Variants in HESX1 observed in about 807,000 individuals in gnomAD.
The protein encoded by HESX1 is homeobox expressed in ES cells 1.
In HESX1, 11 loss-of-function variants were observed where a neutral mutation model predicts 22.5. That is an observed-to-expected ratio of 0.49 (90% CI 0.31 to 0.81). HESX1 has a LOEUF of 0.81. Ranked by LOEUF, HESX1 falls within the 30% of genes least tolerant of loss-of-function variation. HESX1 has a pLI of 0.05. For synonymous variants in HESX1, 74 were observed against 76.5 expected (o/e 0.97, Z 0.17); for missense variants, 201 against 212.6 (o/e 0.95, Z 0.34).
intron 1 of HESX1, among the ~76,000 whole-genome samples, chr3:57,207,003 A>C (rs2060523396): frequency 6.6e-6 from 1 of 152,062 alleles, no homozygotes; most frequent in African/African-American, 2.4e-5. Context: ...GCTGGAGTGC[A>C]GTGGCACGAT....
intron 1 of HESX1, among the ~76,000 whole-genome samples, chr3:57,223,057 C>G (rs1209798153): frequency 6.6e-6 from 1 of 152,116 alleles, no homozygotes; most frequent in Non-Finnish European, 1.5e-5. Context: ...CTAGGAGCTA[C>G]TCTAAAAGCT....
intron 1 of HESX1, among the ~76,000 whole-genome samples, chr3:57,209,066 T>G (rs111879815): frequency 1.3e-5 from 2 of 152,186 alleles, no homozygotes; most frequent in Non-Finnish European, 2.9e-5. Context: ...TCTGGATGAT[T>G]AGAACTTCTA....
intron 1 of HESX1, among the ~76,000 whole-genome samples, chr3:57,224,097 A>T (rs188151050): frequency 6.6e-6 from 1 of 152,196 alleles, no homozygotes; most frequent in African/African-American, 2.4e-5. Flanking sequence ...AGTTCAAGCG[A>T]TTCTCCTGCC....
rs373284490 is a variant in HESX1, at chr3:57,198,892, C to A, written c.218G>T (p.Ser73Ile). 1 of 1,613,972 alleles carries A rather than the reference C, an allele frequency of 6.2e-7. No homozygotes were observed. Among genetic ancestry groups the A allele is most frequent in the African/African-American group, 1.3e-5 (1 of 74,888 alleles). Residue 73 changes from serine to isoleucine, a missense_variant, in exon 2 of 4, where the codon AGC becomes ATC. Physicochemically the swap from Ser to Ile is moderately radical, Grantham distance 142. Coordinates refer to ENST00000295934, the MANE Select transcript of HESX1 (RefSeq NM_003865.3). ...TTCTGGCATTGGGTGATCCACCACGCTAGGGAATGAAATCCCACTGGGAGG... is the reference window on the plus strand; with the variant it reads ...TTCTGGCATTGGGTGATCCACCACGATAGGGAATGAAATCCCACTGGGAGG... ...PNPPSGISFP[S>I]VVDHPMPEER...
intron 1 of HESX1, among the ~76,000 whole-genome samples, chr3:57,213,310 G>C (rs1435110964): frequency 6.6e-6 from 1 of 152,168 alleles, no homozygotes; most frequent in East Asian, 1.9e-4. Flanking sequence ...TTATTTTTTA[G>C]TGGATGCTGC....
In HESX1 at chr3:57,218,170, T is replaced by C. The variant is rs560072605; in HGVS notation, c.-111+8126A>G. ...TTGTTACATAGTTAAACCTGTGTCATGGGGGTTTCTTGTACAGATCATTTC... is the reference window on the plus strand; with the variant it reads ...TTGTTACATAGTTAAACCTGTGTCACGGGGGTTTCTTGTACAGATCATTTC... On this transcript the variant is annotated intron_variant, in intron 1 of 2. Coordinates refer to the HESX1 transcript ENST00000495160. 9.2e-5 allele frequency among the ~76,000 whole-genome samples: 14 copies of C among 152,330 alleles called. No individual in the cohort carries two copies. The Middle Eastern group carries it at 0.01, about 111-fold the overall frequency.
chr3:57,202,103 T>C (rs554296686), upstream of HESX1, among the ~76,000 whole-genome samples: 10 of 151,706 alleles, frequency 6.6e-5, no homozygotes, highest in Non-Finnish European at 1.0e-4. Flanking sequence ...GTATTTTTAG[T>C]AGAGACGAAG....
At chr3:57,214,095 T>C (rs1390256376) in intron 1 of HESX1, among the ~76,000 whole-genome samples, 1 of 152,182 alleles carries the variant, frequency 6.6e-6, no homozygotes. Context: ...GATAATGTGA[T>C]TATGGTTACC....
At chr3:57,201,406 A>G (rs1356437235), upstream of HESX1, among the ~76,000 whole-genome samples, 1 of 152,070 alleles carries the variant, frequency 6.6e-6, no homozygotes, top group Non-Finnish European at 1.5e-5. Context: ...TGGGACGACT[A>G]GGAGGAAGCG....
intron 1 of HESX1, among the ~76,000 whole-genome samples, chr3:57,211,956 T>C (rs2060556958): frequency 2.0e-5 from 3 of 152,150 alleles, no homozygotes; most frequent in Admixed American, 2.0e-4. Context: ...ACACAGGAGC[T>C]TTCCCAGTGA....
In HESX1 at chr3:57,218,505, G is replaced by A. The variant is rs190070766; in HGVS notation, c.-111+7791C>T. The stretch of plus-strand genomic sequence containing the variant: ...TTTGCTCAGGCTGGAGTGCAGTAGC[G>A]TGACCTCAGCTCACTGCAACCTCTG... On this transcript the variant is annotated intron_variant, in intron 1 of 2. Transcript: ENST00000495160. Among the ~76,000 whole-genome samples the A allele has an allele frequency of 4.8e-3, 685 of 143,952 alleles. 16 individuals carry two copies. Among genetic ancestry groups the A allele is most frequent in the Admixed American group, 0.046 (611 of 13,408 alleles). The allele number at this position is 143,952 out of a possible 152,430, so 94.4% of individuals were successfully genotyped here.
At chr3:57,216,349 C>T (rs1354924772) in intron 1 of HESX1, among the ~76,000 whole-genome samples, 1 of 152,202 alleles carries the variant, frequency 6.6e-6, no homozygotes, top group African/African-American at 2.4e-5. Flanking sequence ...TGGCTCACAC[C>T]TGTAATGCCA....
At chr3:57,201,887 CTAT>C (rs2060490298), upstream of HESX1, among the ~76,000 whole-genome samples, 3 of 145,390 alleles carry the variant, frequency 2.1e-5, no homozygotes, top group African/African-American at 8.1e-5. Flanking sequence ...ATCTATCTAT[CTAT>C]CTATCTATCT....
chr3:57,225,969 T>A (rs548594684), intron 1 of HESX1, among the ~76,000 whole-genome samples: 2 of 149,646 alleles, frequency 1.3e-5, no homozygotes, highest in East Asian at 4.0e-4. Context: ...CACCTGGGCC[T>A]CCCGGCTTCA....
At chr3:57,216,961 ATTAT>A (rs1379522514) in intron 1 of HESX1, among the ~76,000 whole-genome samples, 1 of 152,118 alleles carries the variant, frequency 6.6e-6, no homozygotes, top group African/African-American at 2.4e-5. Flanking sequence ...TTATAATCTC[ATTAT>A]TTATTATGAT....
At chr3:57,223,020 G>C (rs2060623503) in intron 1 of HESX1, among the ~76,000 whole-genome samples, 1 of 152,106 alleles carries the variant, frequency 6.6e-6, no homozygotes, top group African/African-American at 2.4e-5. Flanking sequence ...TAATGAAAAA[G>C]ATAATTTTTA....
intron 1 of HESX1, among the ~76,000 whole-genome samples, chr3:57,220,631 A>C: frequency 6.6e-6 from 1 of 151,942 alleles, no homozygotes; most frequent in Non-Finnish European, 1.5e-5. Flanking sequence ...GGGTTTCATC[A>C]TATTGGCCAG....
intron 1 of HESX1, among the ~76,000 whole-genome samples, chr3:57,219,428 C>T (rs188954385): frequency 5.9e-5 from 9 of 151,408 alleles, no homozygotes; most frequent in Non-Finnish European, 8.8e-5. Flanking sequence ...AGTGCAGTGG[C>T]GTGGTCTTGG....
intron 1 of HESX1, among the ~76,000 whole-genome samples, chr3:57,218,968 T>G (rs1219957680): frequency 6.6e-6 from 1 of 152,180 alleles, no homozygotes; most frequent in Non-Finnish European, 1.5e-5. Flanking sequence ...GTAGTTCTGT[T>G]TTTAGCTCTT....
Sources: gnomAD v4.1 joint callset for allele counts (sites outside exome capture counted in the v4.1 genomes callset) on GRCh38, gnomAD v4.1.1 for gene constraint, MANE v1.5 for transcripts, NCBI Gene and HGNC (gene_info 2026-07-23, HGNC 2026-07-21) for gene names.